NCAM2: variants seen among roughly 807,000 people sequenced by gnomAD.
NCAM2 encodes N-CAM-2.
In NCAM2, 30 loss-of-function variants were observed where a neutral mutation model predicts 98.1. The observed-to-expected ratio is 0.31, with a 90% CI of 0.23 to 0.41. NCAM2 has a LOEUF of 0.41. Ranked by LOEUF, NCAM2 falls within the 10% of genes least tolerant of loss-of-function variation. The pLI is 1.00. For synonymous variants in NCAM2, 368 were observed against 342.4 expected (o/e 1.07, Z -0.83); for missense variants, 867 against 1,005.8 (o/e 0.86, Z 1.87).
chr21:21,105,486 A>G (rs1046235006), intron 1 of NCAM2, among the ~76,000 whole-genome samples: 3 of 152,224 alleles, frequency 2.0e-5, no homozygotes, highest in South Asian at 4.1e-4. Flanking sequence ...GGAAGACAGA[A>G]CTGGCCATAA....
At chr21:21,150,577 A>T (rs1332089426) in intron 1 of NCAM2, among the ~76,000 whole-genome samples, 2 of 152,070 alleles carry the variant, frequency 1.3e-5, no homozygotes, top group African/African-American at 4.8e-5. Context: ...TTTTGGAGGC[A>T]TCTATCTTTA....
At chr21:21,424,931 G>A (rs1473685617) in intron 11 of NCAM2, among the ~76,000 whole-genome samples, 1 of 150,620 alleles carries the variant, frequency 6.6e-6, no homozygotes, top group Non-Finnish European at 1.5e-5. Context: ...AGCTACTCGG[G>A]AGGCTGAGGC....
intron 1 of NCAM2, among the ~76,000 whole-genome samples, chr21:21,165,085 A>T (rs2067907809): frequency 6.6e-6 from 1 of 152,204 alleles, no homozygotes; most frequent in South Asian, 2.1e-4. Flanking sequence ...CAGAGGACTC[A>T]GAAAGCCTGT....
intron 1 of NCAM2, among the ~76,000 whole-genome samples, chr21:21,243,161 A>G (rs2071134215): frequency 6.6e-6 from 1 of 152,184 alleles, no homozygotes; most frequent in Non-Finnish European, 1.5e-5. Flanking sequence ...AAATAATATA[A>G]TGTCAGTGCA....
At chr21:21,473,549 A>G (rs563367493) in intron 14 of NCAM2, among the ~76,000 whole-genome samples, 1 of 151,580 alleles carries the variant, frequency 6.6e-6, no homozygotes, top group African/African-American at 2.4e-5. Context: ...CTTTATATAC[A>G]TACAAAATCT....
At chr21:21,224,977 T>A (rs2070321545) in intron 1 of NCAM2, among the ~76,000 whole-genome samples, 1 of 152,110 alleles carries the variant, frequency 6.6e-6, no homozygotes, top group African/African-American at 2.4e-5. Context: ...GCAGAGGACT[T>A]AGAAGTACCT....
At chr21:21,071,877 A>T (rs759065443) in intron 1 of NCAM2, among the ~76,000 whole-genome samples, 55 of 43,756 alleles carry the variant, frequency 1.3e-3, no homozygotes, top group African/African-American at 3.7e-3. Context: ...CTGCCTATCT[A>T]TCTATCTATC....
chr21:21,393,027 A>G (rs953157847), intron 9 of NCAM2, among the ~76,000 whole-genome samples: 2 of 151,934 alleles, frequency 1.3e-5, no homozygotes, highest in East Asian at 1.9e-4. Context: ...GCCCATGTCT[A>G]TGTCCTGAAT....
At chr21:21,248,943 A>C (rs1356029528) in intron 1 of NCAM2, among the ~76,000 whole-genome samples, 1 of 152,152 alleles carries the variant, frequency 6.6e-6, no homozygotes, top group Non-Finnish European at 1.5e-5. Flanking sequence ...TGAGGCTCCC[A>C]AATAAATGTC....
intron 1 of NCAM2, among the ~76,000 whole-genome samples, chr21:21,090,835 G>A (rs189737401): frequency 1.9e-4 from 29 of 152,262 alleles, no homozygotes; most frequent in Admixed American, 1.8e-3. Context: ...TGCCAGGCTT[G>A]CTGTCTTACC....
At chr21:21,223,064 G>T (rs997052245) in intron 1 of NCAM2, among the ~76,000 whole-genome samples, 2 of 152,172 alleles carry the variant, frequency 1.3e-5, no homozygotes, top group African/African-American at 4.8e-5. Flanking sequence ...AACTTGTGTG[G>T]ATTATTATTC....
intron 8 of NCAM2, among the ~76,000 whole-genome samples, chr21:21,365,027 C>T (rs554718816): frequency 2.0e-5 from 3 of 152,096 alleles, no homozygotes; most frequent in Admixed American, 6.6e-5. Flanking sequence ...AGATTTCAGG[C>T]GGGAGCACAG....
At chr21:21,051,649 A>G (rs867188319) in intron 1 of NCAM2, among the ~76,000 whole-genome samples, 3 of 152,346 alleles carry the variant, frequency 2.0e-5, no homozygotes, top group South Asian at 4.1e-4. Context: ...ATCTTGTGCC[A>G]TAATAGGCTC....
At chr21:21,532,437 G>A (rs569130652) in intron 16 of NCAM2, among the ~76,000 whole-genome samples, 5 of 152,058 alleles carry the variant, frequency 3.3e-5, no homozygotes, top group South Asian at 4.1e-4. Context: ...ACAAAAATAA[G>A]AATTGTAAAG....
At chr21:21,293,455 C>T (rs537804067) in intron 5 of NCAM2, among the ~76,000 whole-genome samples, 6 of 151,772 alleles carry the variant, frequency 4.0e-5, no homozygotes, top group African/African-American at 1.4e-4. Context: ...CCATTATGAT[C>T]CACCCCTTCC....
rs961761148 is a variant in NCAM2, at chr21:21,540,497, A to G, written c.*2540A>G. ...ATAAAGTATTTTTTTTAATATTTCA[A>G]TGGAATGCTCCAAATGATTTATAAA... On this transcript the variant is annotated 3_prime_UTR_variant, in exon 18 of 18. Coordinates refer to ENST00000400546, the MANE Select transcript of NCAM2 (RefSeq NM_004540.5). 2.0e-5 allele frequency: 3 copies of G among 151,922 alleles called. No homozygotes were observed. Among genetic ancestry groups the G allele is most frequent in the African/African-American group, 4.8e-5 (2 of 41,396 alleles). 9.4% of individuals were successfully genotyped at this position (151,922 alleles called of 1,614,324 possible).
At chr21:21,065,036 C>T (rs1476368337) in intron 1 of NCAM2, among the ~76,000 whole-genome samples, 1 of 151,874 alleles carries the variant, frequency 6.6e-6, no homozygotes, top group Non-Finnish European at 1.5e-5. Flanking sequence ...AAAAATTAGC[C>T]AGGCCTGATA....
chr21:21,480,653 A>G (rs1270847807), intron 15 of NCAM2, among the ~76,000 whole-genome samples: 6 of 152,226 alleles, frequency 3.9e-5, no homozygotes, highest in African/African-American at 7.2e-5. Context: ...AAAGAAATAA[A>G]TAATTGTAAG....
At chr21:21,363,590 A>G (rs937708676) in intron 8 of NCAM2, among the ~76,000 whole-genome samples, 4 of 152,082 alleles carry the variant, frequency 2.6e-5, no homozygotes, top group Non-Finnish European at 4.4e-5. Flanking sequence ...CCTTTAATGA[A>G]AATATCCATA....
Sources: allele counts gnomAD v4.1 joint callset (sites outside exome capture counted in the v4.1 genomes callset), GRCh38; gene constraint gnomAD v4.1.1; transcripts MANE v1.5; gene names NCBI Gene and HGNC (gene_info 2026-07-23, HGNC 2026-07-21).